The following CTNNA1 variants were observed in gnomAD, a reference collection of about 807,000 sequenced individuals.
CTNNA1 encodes catenin alpha-1.
A neutral mutation model predicts 98.4 loss-of-function variants in CTNNA1; 37 were observed. The observed-to-expected ratio is 0.38, with a 90% CI of 0.29 to 0.49. The LOEUF (loss-of-function observed/expected upper bound fraction) is 0.49, where lower values mean the gene tolerates loss of function less well. Among genes scored for constraint, CTNNA1 ranks in the 20% least tolerant of loss-of-function variants. The pLI is 0.95. For synonymous variants in CTNNA1, 404 were observed against 413.2 expected (o/e 0.98, Z 0.27); for missense variants, 761 against 1,147.2 (o/e 0.66, Z 4.86).
chr5:138,867,162 A>T (rs116306149), intron 7 of CTNNA1, among the ~76,000 whole-genome samples: 1 of 152,202 alleles, frequency 6.6e-6, no homozygotes, highest in South Asian at 2.1e-4. Flanking sequence ...ACCATCACCT[A>T]TGCCCTCTAG....
Position 138,912,699 on chromosome 5 carries a change from C to T in CTNNA1, c.1390-5043C>T, listed in dbSNP as rs184662613. Among the ~76,000 whole-genome samples, 672 of 152,256 alleles carry T rather than the reference C, an allele frequency of 4.4e-3. 11 individuals carry two copies. Among genetic ancestry groups the T allele is most frequent in the African/African-American group, 0.01 (432 of 41,546 alleles). ...TAAAAGTTACGATCAGTACAGTGAT[C>T]GTGCCTAGTTGGGGGCTCCTTGCAA... On this transcript the variant is annotated intron_variant, in intron 10 of 17. Coordinates refer to ENST00000302763, the MANE Select transcript of CTNNA1 (RefSeq NM_001903.5).
At chr5:138,761,649 A>G (rs1202823476) in intron 1 of CTNNA1, among the ~76,000 whole-genome samples, 2 of 152,198 alleles carry the variant, frequency 1.3e-5, no homozygotes, top group African/African-American at 2.4e-5. Flanking sequence ...TTGGCCTTCT[A>G]TATGGAGATA....
intron 7 of CTNNA1, among the ~76,000 whole-genome samples, chr5:138,858,676 A>C (rs188659200): frequency 7.0e-6 from 1 of 143,128 alleles, no homozygotes; most frequent in African/African-American, 2.6e-5. Context: ...GCTCACTGCA[A>C]CCTCCGCCTC....
chr5:138,902,940 C>T (rs1265696242), intron 9 of CTNNA1, among the ~76,000 whole-genome samples: 2 of 151,860 alleles, frequency 1.3e-5, no homozygotes, highest in Admixed American at 1.3e-4. Context: ...TCATATTTTG[C>T]AGTGATTTTT....
chr5:138,766,451 GTTT>G (rs5871680), intron 1 of CTNNA1, among the ~76,000 whole-genome samples: 1 of 137,418 alleles, frequency 7.3e-6, no homozygotes, highest in East Asian at 2.1e-4. Flanking sequence ...ACCATGTTTT[GTTT>G]TTTTTTTTTT....
At chr5:138,869,540 C>T (rs1018612107) in intron 7 of CTNNA1, 5 of 152,092 alleles carry the variant, frequency 3.3e-5, no homozygotes, top group African/African-American at 1.2e-4. Flanking sequence ...TATTGATATC[C>T]ACACTTCAGA....
chr5:138,872,987 T>G, intron 7 of CTNNA1: 1 of 1,523,080 alleles, frequency 6.6e-7, no homozygotes, highest in Non-Finnish European at 8.9e-7. Flanking sequence ...TTATCTGATG[T>G]GATTTTTGAT....
intron 13 of CTNNA1, among the ~76,000 whole-genome samples, chr5:138,925,783 C>G (rs1458084258): frequency 6.6e-6 from 1 of 152,218 alleles, no homozygotes; most frequent in Non-Finnish European, 1.5e-5. Flanking sequence ...AAGTGCCCCT[C>G]TCTTCGGAGG....
intron 7 of CTNNA1, chr5:138,871,106 T>C (rs1294399213): frequency 6.6e-6 from 1 of 151,992 alleles, no homozygotes; most frequent in African/African-American, 2.4e-5. Flanking sequence ...AGAAGAAAAA[T>C]TGTGATTAAA....
chr5:138,862,089 A>C (rs1323918507), intron 7 of CTNNA1, among the ~76,000 whole-genome samples: 1 of 152,216 alleles, frequency 6.6e-6, no homozygotes, highest in Admixed American at 6.5e-5. Context: ...ATAAGATTGT[A>C]TGTCTTTCAT....
rs28363487 is a variant in CTNNA1, at chr5:138,930,377, A to G, written c.2011-96A>G. 7,832 of 876,626 alleles carry G rather than the reference A, an allele frequency of 8.9e-3. 388 individuals carry two copies. In the African/African-American group the frequency reaches 0.12, roughly 13 times the overall value. The allele number at this position is 876,626 out of a possible 1,614,324, so 54.3% of individuals were successfully genotyped here. On this transcript the variant is annotated intron_variant, in intron 14 of 17. Transcript: ENST00000302763. The stretch of plus-strand genomic sequence containing the variant: ...AACCTATTAAAGCATTATCCTACCT[A>G]TGCCACAGATTGCCTGTTGGAAATA...
chr5:138,836,870 G>A (rs979446153), intron 7 of CTNNA1, among the ~76,000 whole-genome samples: 4 of 152,138 alleles, frequency 2.6e-5, no homozygotes, highest in Admixed American at 2.6e-4. Context: ...GTGGGGCGAT[G>A]GGCACTATAA....
intron 11 of CTNNA1, among the ~76,000 whole-genome samples, chr5:138,920,364 C>T (rs1762671363): frequency 6.6e-6 from 1 of 152,222 alleles, no homozygotes; most frequent in Non-Finnish European, 1.5e-5. Context: ...TCATCTGCAG[C>T]AGTCACGGGC....
chr5:138,932,352 C>T (rs1191436059), intron 16 of CTNNA1: 12 of 1,372,374 alleles, frequency 8.7e-6, no homozygotes, highest in South Asian at 5.2e-5. Flanking sequence ...CAGTGCCATG[C>T]GGCGCAGTCA....
chr5:138,862,302 A>G (rs935975123), intron 7 of CTNNA1, among the ~76,000 whole-genome samples: 1 of 152,172 alleles, frequency 6.6e-6, no homozygotes, highest in African/African-American at 2.4e-5. Context: ...ACCTGCCACA[A>G]TTGGAAGGGC....
chr5:138,932,902 CG>C (rs1368802730), intron 17 of CTNNA1, 190 bp downstream of exon 17: 1 of 819,114 alleles, frequency 1.2e-6, no homozygotes, highest in Non-Finnish European at 2.1e-6. Flanking sequence ...GTGACACCTG[CG>C]GGGCACTGCA....
intron 3 of CTNNA1, among the ~76,000 whole-genome samples, chr5:138,809,197 T>C (rs977421788): frequency 6.6e-6 from 1 of 152,188 alleles, no homozygotes; most frequent in African/African-American, 2.4e-5. Context: ...GATATTCCTA[T>C]AAGCTATAGT....
intron 7 of CTNNA1, chr5:138,872,614 G>A (rs182331188): frequency 1.3e-3 from 197 of 156,920 alleles, no homozygotes; most frequent in African/African-American, 4.5e-3. Context: ...TGGTACATGG[G>A]ATGGAGAGCA....
chr5:138,775,385 G>A (rs1318050102), intron 1 of CTNNA1, among the ~76,000 whole-genome samples: 2 of 152,108 alleles, frequency 1.3e-5, no homozygotes, highest in African/African-American at 4.8e-5. Flanking sequence ...CCAAAGTGTA[G>A]GCCTGACGTC....
Sources: gnomAD v4.1 joint callset for allele counts (sites outside exome capture counted in the v4.1 genomes callset) on GRCh38, gnomAD v4.1.1 for gene constraint, MANE v1.5 for transcripts, NCBI Gene and HGNC (gene_info 2026-07-23, HGNC 2026-07-21) for gene names.